Variants in SPACA7 observed in about 807,000 individuals in gnomAD.
SPACA7 encodes the protein sperm acrosome-associated protein 7.
Under a neutral mutation model 26.3 loss-of-function variants are expected in SPACA7, and 19 were observed. The ratio of observed to expected loss-of-function variants is 0.72; its 90% CI spans 0.50 to 1.06. SPACA7 has a LOEUF of 1.06. Among genes scored for constraint, SPACA7 ranks in the 50% least tolerant of loss-of-function variants. SPACA7 has a pLI of 0.00. For missense variants in SPACA7, 211 were observed against 229.9 expected (o/e 0.92, Z 0.53); for synonymous variants, 84 against 84.5 (o/e 0.99, Z 0.04).
At chr13:112,431,956 G>C (rs59340753) in intron 5 of SPACA7, among the ~76,000 whole-genome samples, 23,710 of 152,106 alleles carry the variant, frequency 0.16, 2,086 homozygotes, top group African/African-American at 0.2. Context: ...TGAGCAGCGG[G>C]GACCACACAG....
intron 5 of SPACA7, among the ~76,000 whole-genome samples, chr13:112,425,452 G>A (rs1233733944): frequency 6.6e-6 from 1 of 152,246 alleles, no homozygotes; most frequent in Non-Finnish European, 1.5e-5. Context: ...CTGGAGCCAA[G>A]GTTGGGAGTG....
At chr13:112,376,897 G>A (rs560865715) in intron 1 of SPACA7, among the ~76,000 whole-genome samples, 6 of 151,970 alleles carry the variant, frequency 3.9e-5, no homozygotes, top group East Asian at 1.9e-4. Flanking sequence ...ATTTTCTTGC[G>A]AAGAGATAAA....
chr13:112,409,151 T>G (rs888642172), intron 5 of SPACA7, among the ~76,000 whole-genome samples: 9 of 152,218 alleles, frequency 5.9e-5, no homozygotes, highest in African/African-American at 2.2e-4. Flanking sequence ...CTGGGAAAAC[T>G]GACTAGCCAT....
chr13:112,411,943 C>T (rs1886380569), intron 5 of SPACA7, among the ~76,000 whole-genome samples: 1 of 152,062 alleles, frequency 6.6e-6, no homozygotes, highest in Non-Finnish European at 1.5e-5. Flanking sequence ...GATTTGCTTT[C>T]TTTTAGACAT....
At chr13:112,417,005 A>G (rs9550079) in intron 5 of SPACA7, among the ~76,000 whole-genome samples, 60,353 of 151,782 alleles carry the variant, frequency 0.4, 12,124 homozygotes, top group Middle Eastern at 0.46. Context: ...AAAATCCTTG[A>G]TTTATACTTT....
intron 5 of SPACA7, among the ~76,000 whole-genome samples, chr13:112,424,609 A>C (rs530285644): frequency 2.4e-4 from 36 of 152,292 alleles, no homozygotes; most frequent in African/African-American, 7.9e-4. Flanking sequence ...TGAATCTTAC[A>C]AAGTGCCTCC....
chr13:112,420,168 A>G (rs1886928288), intron 5 of SPACA7, among the ~76,000 whole-genome samples: 1 of 152,250 alleles, frequency 6.6e-6, no homozygotes, highest in East Asian at 1.9e-4. Flanking sequence ...TGTGCTTCAT[A>G]CATGATGTCT....
At chr13:112,415,086 C>G (rs952836227) in intron 5 of SPACA7, among the ~76,000 whole-genome samples, 1 of 152,210 alleles carries the variant, frequency 6.6e-6, no homozygotes, top group African/African-American at 2.4e-5. Context: ...TCCTAGATAC[C>G]CAGCTCTGAT....
intron 2 of SPACA7, among the ~76,000 whole-genome samples, chr13:112,395,235 T>G (rs1177029933): frequency 6.6e-6 from 1 of 152,106 alleles, no homozygotes; most frequent in Admixed American, 6.5e-5. Context: ...GGTGAGGGGT[T>G]GGTGAGGGAG....
intron 1 of SPACA7, among the ~76,000 whole-genome samples, chr13:112,386,076 A>G (rs1307711339): frequency 6.6e-6 from 1 of 152,226 alleles, no homozygotes; most frequent in East Asian, 1.9e-4. Flanking sequence ...CCAAAAGGAG[A>G]AAAGTACTAC....
chr13:112,383,136 A>T (rs868391159), intron 1 of SPACA7, among the ~76,000 whole-genome samples: 1 of 18,126 alleles, frequency 5.5e-5, no homozygotes, highest in Admixed American at 6.2e-4. Flanking sequence ...AAAGAAAGAA[A>T]GAAAGAAAGA....
At chr13:112,379,821 G>T (rs543167298) in intron 1 of SPACA7, among the ~76,000 whole-genome samples, 66 of 152,256 alleles carry the variant, frequency 4.3e-4, no homozygotes, top group African/African-American at 1.5e-3. Flanking sequence ...GGATGAAGTT[G>T]TCAAAAATTA....
chr13:112,397,123 T>A (rs950772302), intron 2 of SPACA7, among the ~76,000 whole-genome samples: 7 of 151,732 alleles, frequency 4.6e-5, no homozygotes, highest in South Asian at 2.1e-4. Context: ...AGGACAAAGC[T>A]TTTTTATCGG....
chr13:112,432,296 C>T (rs1594341116), intron 5 of SPACA7, 148 bp from the exon 6 acceptor site: 2 of 610,292 alleles, frequency 3.3e-6, no homozygotes, highest in African/African-American at 1.8e-5. Flanking sequence ...GGCTGTGTCT[C>T]GAGAAGCTGC....
intron 5 of SPACA7, among the ~76,000 whole-genome samples, chr13:112,420,849 T>C (rs1301807994): frequency 1.3e-5 from 2 of 151,894 alleles, no homozygotes; most frequent in Admixed American, 1.3e-4. Context: ...ACACTTTACA[T>C]AGAAAAAAAC....
intron 5 of SPACA7, among the ~76,000 whole-genome samples, chr13:112,430,346 G>C (rs1876976314): frequency 6.6e-6 from 1 of 152,200 alleles, no homozygotes; most frequent in South Asian, 2.1e-4. Flanking sequence ...AGCAAGCATA[G>C]GGCTGCATTC....
chr13:112,378,312 A>G (rs1031645566), intron 1 of SPACA7, among the ~76,000 whole-genome samples: 1 of 152,258 alleles, frequency 6.6e-6, no homozygotes, highest in Non-Finnish European at 1.5e-5. Flanking sequence ...ACACAGGGTT[A>G]TAACTCACAA....
intron 2 of SPACA7, 21 bp downstream of exon 2, chr13:112,393,098 A>G (rs751319546): frequency 6.2e-7 from 1 of 1,607,454 alleles, no homozygotes; most frequent in Non-Finnish European, 8.5e-7. Context: ...CCCTCCTATC[A>G]ACCTCTGGCC....
intron 2 of SPACA7, among the ~76,000 whole-genome samples, chr13:112,397,494 C>T (rs1885350229): frequency 6.6e-6 from 1 of 152,226 alleles, no homozygotes; most frequent in Admixed American, 6.5e-5. Flanking sequence ...AGACAGGAAA[C>T]CAAAGCTCAG....
Sources: gnomAD v4.1 joint callset for allele counts (sites outside exome capture counted in the v4.1 genomes callset) on GRCh38, gnomAD v4.1.1 for gene constraint, MANE v1.5 for transcripts, NCBI Gene and HGNC (gene_info 2026-07-23, HGNC 2026-07-21) for gene names.